Variants in MYH10 observed in about 807,000 individuals in gnomAD.
MYH10 encodes myosin-10.
A neutral mutation model predicts 257.8 loss-of-function variants in MYH10; 55 were observed. The ratio of observed to expected loss-of-function variants is 0.21; its 90% CI spans 0.17 to 0.27. The LOEUF is 0.27. Among genes scored for constraint, MYH10 ranks in the 10% least tolerant of loss-of-function variants. MYH10 has a pLI of 1.00. For synonymous variants in MYH10, 854 were observed against 921.7 expected (o/e 0.93, Z 1.33); for missense variants, 1,631 against 2,500.6 (o/e 0.65, Z 7.42).
intron 21 of MYH10, among the ~76,000 whole-genome samples, chr17:8,518,140 T>A (rs2081533733): frequency 6.6e-6 from 1 of 151,032 alleles, no homozygotes; most frequent in Non-Finnish European, 1.5e-5. Context: ...TGTGTGTGTG[T>A]GTGTGTGTTT....
rs1455605019 is a variant in MYH10, at chr17:8,477,712, C to T, written c.5706+626G>A. On this transcript the variant is annotated intron_variant, in intron 41 of 42. Transcript: ENST00000360416. This position sits in a 1 kb window ranked among gnomAD's most constrained non-coding sequence, Gnocchi z 4.2. ...AGTTGGGGAGGGTTCGGGCCAAAGG[C>T]AGTGAAATCCTCAGATCCATCCACC... 6.6e-6 allele frequency among the ~76,000 whole-genome samples: 1 copy of T among 152,166 alleles called. No homozygotes were observed. The highest frequency in any genetic ancestry group is 2.4e-5 in the African/African-American group (1 of 41,430).
rs1383112515 is a variant in MYH10 at position 8,541,900 on chromosome 17, G to C, written c.1605+207C>G. The C allele has an allele frequency of 6.4e-6, 3 of 472,186 alleles. No individual in the cohort carries two copies. The East Asian group carries it at 1.1e-4, about 17-fold the overall frequency. 29.2% of individuals were successfully genotyped at this position (472,186 alleles called of 1,614,324 possible). The stretch of plus-strand genomic sequence containing the variant: ...CAAGCAAGGACAGGAATCAAGCTGC[G>C]AGGAGAGCTAAAGAAGGGTTTTACT... On this transcript the variant is annotated intron_variant, in intron 14 of 42. Transcript: ENST00000360416.
At chr17:8,548,859 A>T in intron 9 of MYH10, 72 bp from the exon 10 acceptor site, 1 of 1,360,036 alleles carries the variant, frequency 7.4e-7, no homozygotes, top group Non-Finnish European at 1.0e-6. Context: ...CTGCATTCAA[A>T]CTGTGCCAGT....
At chr17:8,493,071 C>G in intron 32 of MYH10, 47 bp from the exon 33 acceptor site, 1 of 1,579,838 alleles carries the variant, frequency 6.3e-7, no homozygotes, top group Non-Finnish European at 8.6e-7. Context: ...TTAATGTACT[C>G]AATTGGGGCC....
chr17:8,602,646 T>C (rs1365093150), intron 3 of MYH10, among the ~76,000 whole-genome samples: 2 of 152,238 alleles, frequency 1.3e-5, no homozygotes, highest in African/African-American at 2.4e-5. Flanking sequence ...AACTTTTAAA[T>C]TTTTATGTAA....
Position 8,509,886 on chromosome 17 carries a change from T to A in MYH10, c.3016A>T (p.Thr1006Ser). ...ARQKLQLEKV[T>S]AEAKIKKMEE... ...ATCTTCTTGATCTTGGCCTCTGCTG[T>A]CACCTTTTCCAGCTGCAGCTTTTGC... Residue 1006 changes from threonine (T) to serine (S), a missense_variant, in exon 25 of 43, where the codon ACA becomes TCA. Transcript: ENST00000360416. 1 of 1,613,644 alleles carries A rather than the reference T, an allele frequency of 6.2e-7. No individual in the cohort carries two copies. Among genetic ancestry groups the A allele is most frequent in the East Asian group, 2.2e-5 (1 of 44,828 alleles).
chr17:8,578,298 A>T (rs1466097504), intron 4 of MYH10, among the ~76,000 whole-genome samples: 1 of 145,098 alleles, frequency 6.9e-6, no homozygotes, highest in East Asian at 2.0e-4. Flanking sequence ...GCTGGAGCAC[A>T]GTGGCATGAT....
Position 8,480,276 on chromosome 17 carries a change from C to T in MYH10, c.5431G>A (p.Ala1811Thr), listed in dbSNP as rs762882971. 1.7e-5 allele frequency: 28 copies of T among 1,613,922 alleles called. No homozygotes were observed. The highest frequency in any genetic ancestry group is 3.3e-4 in the Middle Eastern group (2 of 6,084). Residue 1811 changes from alanine (A) to threonine (T), a missense_variant, in exon 40 of 43, where the codon GCC becomes ACC. Coordinates refer to ENST00000360416, the MANE Select transcript of MYH10 (RefSeq NM_001256012.3). Reference sequence around the variant, plus strand: ...TGGCGTGCATTGTCACTCTTCTGGGCGGCGCTGCGCTCGGCTGCTAGCTCG... The same window carrying T: ...TGGCGTGCATTGTCACTCTTCTGGGTGGCGCTGCGCTCGGCTGCTAGCTCG... ...NAELAAERSA[A>T]QKSDNARQQL...
chr17:8,601,982 T>TC (rs2084623797), intron 3 of MYH10, among the ~76,000 whole-genome samples: 2 of 151,052 alleles, frequency 1.3e-5, no homozygotes, highest in Admixed American at 1.3e-4. Flanking sequence ...AGAATCTTTT[T>TC]TTTTTTTTTT....
chr17:8,586,862 C>T (rs2083931427), intron 4 of MYH10, among the ~76,000 whole-genome samples: 1 of 152,176 alleles, frequency 6.6e-6, no homozygotes, highest in African/African-American at 2.4e-5. Flanking sequence ...TACAAGTCTC[C>T]ACCTGGTTTT....
rs1264626265 is a variant in MYH10, at chr17:8,477,634, C to T, written c.5707-586G>A. On this transcript the variant is annotated intron_variant, in intron 41 of 42. Transcript: ENST00000360416. This position sits in a 1 kb window ranked among gnomAD's most constrained non-coding sequence, Gnocchi z 4.2. ...CTCAACTGTGCTCCGTGTTGCTAGG[C>T]CCCAAGGGTGGGGGTGGGAAGGGAA... Among the ~76,000 whole-genome samples the T allele has an allele frequency of 1.3e-5, 2 of 152,142 alleles. No homozygotes were observed. The highest frequency in any genetic ancestry group is 2.9e-5 in the Non-Finnish European group (2 of 68,024).
At position 8,504,675 on chromosome 17, in the gene MYH10, C is replaced by CT. The variant is rs1167471457; in HGVS notation, c.3599+18dup. 1.9e-6 allele frequency: 3 copies of CT among 1,608,794 alleles called. No homozygotes were observed. ...GAGGTCGGCAGGCGCCCGGGCCCTG[C>CT]TTCCTCTCCCACACTCACCGTAGTT... is the stretch of plus-strand genomic sequence containing the variant. On this transcript the variant is annotated intron_variant, in intron 28 of 42. Transcript: ENST00000360416. This position sits in a 1 kb window ranked among gnomAD's most constrained non-coding sequence, Gnocchi z 5.6.
chr17:8,511,015 C>A (rs1217252666), intron 24 of MYH10: 1 of 120,546 alleles, frequency 8.3e-6, no homozygotes, highest in Non-Finnish European at 1.6e-5. Context: ...TCATGTACCC[C>A]ATATATATAT....
intron 21 of MYH10, among the ~76,000 whole-genome samples, chr17:8,518,147 GTTT>G (rs2081535350): frequency 7.9e-6 from 1 of 125,790 alleles, no homozygotes; most frequent in African/African-American, 2.9e-5. Flanking sequence ...GTGTGTGTGT[GTTT>G]GAGATAGGGT....
chr17:8,600,382 T>C (rs537160031), intron 3 of MYH10, among the ~76,000 whole-genome samples: 4 of 152,124 alleles, frequency 2.6e-5, no homozygotes, highest in African/African-American at 9.6e-5. Flanking sequence ...ATTTAGGAGA[T>C]TGGACTCTCT....
intron 7 of MYH10, among the ~76,000 whole-genome samples, chr17:8,565,773 C>T (rs1317819670): frequency 1.3e-5 from 2 of 152,172 alleles, no homozygotes; most frequent in East Asian, 3.8e-4. Flanking sequence ...TTCCTGTGTG[C>T]TGCTTCCAGG....
chr17:8,476,541 G>A (rs1215445740), intron 42 of MYH10, among the ~76,000 whole-genome samples: 1 of 152,192 alleles, frequency 6.6e-6, no homozygotes, highest in East Asian at 1.9e-4. Context: ...GATGGCACCA[G>A]GTCCCAGGAG....
At chr17:8,486,979 C>T (rs1028764307) in intron 36 of MYH10, among the ~76,000 whole-genome samples, 7 of 152,194 alleles carry the variant, frequency 4.6e-5, no homozygotes, top group African/African-American at 1.2e-4. Context: ...CCCATCCATC[C>T]TATAGGTGAG....
At chr17:8,514,148 T>C (rs2081387385) in intron 21 of MYH10, among the ~76,000 whole-genome samples, 1 of 152,178 alleles carries the variant, frequency 6.6e-6, no homozygotes, top group Non-Finnish European at 1.5e-5. Flanking sequence ...GACGCTGCCC[T>C]GCACATTCTC....
Sources: allele counts gnomAD v4.1 joint callset (sites outside exome capture counted in the v4.1 genomes callset), GRCh38; gene constraint gnomAD v4.1.1; non-coding constraint Gnocchi (gnomAD v3.1); transcripts MANE v1.5; gene names NCBI Gene and HGNC (gene_info 2026-07-23, HGNC 2026-07-21).